Variants in WWOX observed in about 807,000 individuals in gnomAD.
The protein encoded by WWOX is WW domain-containing oxidoreductase.
Under a neutral mutation model 46.2 loss-of-function variants are expected in WWOX, and 69 were observed. The ratio of observed to expected loss-of-function variants is 1.49; its 90% CI spans 1.23 to 1.82. The LOEUF (loss-of-function observed/expected upper bound fraction) is 1.82. Among genes scored for constraint, WWOX ranks in the 40% most tolerant of loss-of-function variants. WWOX has a pLI of 0.00. For missense variants in WWOX, 919 were observed against 542.6 expected (o/e 1.69, Z -6.89); for synonymous variants, 359 against 202.6 (o/e 1.77, Z -6.56).
chr16:78,876,273 A>C (rs948425764), intron 8 of WWOX, among the ~76,000 whole-genome samples: 2 of 151,102 alleles, frequency 1.3e-5, no homozygotes, highest in African/African-American at 4.9e-5. Context: ...TTATTTTAAT[A>C]TTGTACCCAT....
chr16:78,863,603 C>T (rs948114340), intron 8 of WWOX, among the ~76,000 whole-genome samples: 13 of 152,158 alleles, frequency 8.5e-5, no homozygotes, highest in Non-Finnish European at 1.3e-4. Flanking sequence ...ATCTCCCAAC[C>T]ATAAGCTGTA....
chr16:79,208,103 C>T (rs937736362), intron 8 of WWOX, among the ~76,000 whole-genome samples: 27 of 152,142 alleles, frequency 1.8e-4, no homozygotes, highest in Admixed American at 1.8e-3. Flanking sequence ...TCCTTATTAC[C>T]AAGATACTCT....
chr16:79,015,983 T>C (rs1302557908), intron 8 of WWOX, among the ~76,000 whole-genome samples: 2 of 152,182 alleles, frequency 1.3e-5, no homozygotes, highest in African/African-American at 4.8e-5. Flanking sequence ...TTTCTTGACC[T>C]CGTGATCTGC....
intron 8 of WWOX, among the ~76,000 whole-genome samples, chr16:79,010,043 G>A (rs924946884): frequency 2.6e-5 from 4 of 152,176 alleles, no homozygotes; most frequent in African/African-American, 9.7e-5. Flanking sequence ...GCCTAGAATT[G>A]AGCAAGCTGC....
chr16:78,837,585 G>C (rs2052024298), intron 8 of WWOX, among the ~76,000 whole-genome samples: 1 of 152,116 alleles, frequency 6.6e-6, no homozygotes, highest in Admixed American at 6.5e-5. Context: ...CAAGATTGAA[G>C]ATTTAATACA....
intron 8 of WWOX, among the ~76,000 whole-genome samples, chr16:79,054,784 C>A (rs2048232026): frequency 1.3e-5 from 2 of 152,130 alleles, no homozygotes; most frequent in Admixed American, 1.3e-4. Flanking sequence ...TGTGATCACA[C>A]CACCGCACTC....
intron 8 of WWOX, among the ~76,000 whole-genome samples, chr16:78,868,332 C>G (rs1005138247): frequency 1.3e-5 from 2 of 151,814 alleles, no homozygotes; most frequent in Non-Finnish European, 2.9e-5. Flanking sequence ...AAAGATGAAA[C>G]TCTATAGACA....
At position 78,341,198 on chromosome 16, in the gene WWOX, C is replaced by G. The variant is rs149805814; in HGVS notation, c.517-45662C>G. Among the ~76,000 whole-genome samples the G allele has an allele frequency of 8.8e-5, 10 of 113,044 alleles. No individual in the cohort carries two copies. The East Asian group carries it at 1.6e-3, about 18-fold the overall frequency. 74.2% of individuals were successfully genotyped at this position (113,044 alleles called of 152,430 possible). A position where few individuals can be genotyped will look rare whatever the true frequency, so the allele number is the denominator to read the frequency against. Reference sequence around the variant, plus strand: ...TTTTTTTTTAAGAGAAATGAAGTCTCATTTTGTTTCCCAGGCTGGTCTCAC... The same window carrying G: ...TTTTTTTTTAAGAGAAATGAAGTCTGATTTTGTTTCCCAGGCTGGTCTCAC... On this transcript the variant is annotated intron_variant, in intron 5 of 8. Coordinates refer to ENST00000566780, the MANE Select transcript of WWOX (RefSeq NM_016373.4).
rs151168603 is a variant in WWOX, at chr16:78,888,426, A to C, written c.1057-323182A>C. On this transcript the variant is annotated intron_variant, in intron 8 of 8. Transcript: ENST00000566780. Reference sequence around the variant, plus strand: ...CAGGTGTTACTCCTATTCTTTTTGTAGTTGTCTAGGGATTTAGTTTCTCAC... The same window carrying C: ...CAGGTGTTACTCCTATTCTTTTTGTCGTTGTCTAGGGATTTAGTTTCTCAC... Among the ~76,000 whole-genome samples, 284 of 152,186 alleles carry C rather than the reference A, an allele frequency of 1.9e-3. 1 individual carries two copies. The highest frequency in any genetic ancestry group is 6.5e-3 in the African/African-American group (268 of 41,524).
intron 8 of WWOX, among the ~76,000 whole-genome samples, chr16:79,015,412 A>T (rs988446571): frequency 6.6e-6 from 1 of 152,168 alleles, no homozygotes; most frequent in African/African-American, 2.4e-5. Context: ...AAATAGTAAC[A>T]ATATTTTCCT....
At chr16:78,987,131 A>T (rs983316616) in intron 8 of WWOX, among the ~76,000 whole-genome samples, 1 of 152,202 alleles carries the variant, frequency 6.6e-6, no homozygotes, top group Non-Finnish European at 1.5e-5. Context: ...TAGGACTCCA[A>T]TATTTCTCAT....
intron 8 of WWOX, among the ~76,000 whole-genome samples, chr16:78,853,711 G>A (rs1171520048): frequency 6.6e-6 from 1 of 151,988 alleles, no homozygotes; most frequent in Non-Finnish European, 1.5e-5. Context: ...GCGTGGTGGG[G>A]GTGTAGTGGG....
At chr16:78,312,493 G>A (rs1161112134) in intron 5 of WWOX, among the ~76,000 whole-genome samples, 1 of 151,218 alleles carries the variant, frequency 6.6e-6, no homozygotes, top group African/African-American at 2.4e-5. Flanking sequence ...TTCTGCCTCA[G>A]CCTCCTGAGT....
chr16:78,406,375 A>G (rs1597179943), intron 6 of WWOX, among the ~76,000 whole-genome samples: 1 of 125,286 alleles, frequency 8.0e-6, no homozygotes, highest in Non-Finnish European at 1.7e-5. Context: ...TTTTTTTGAG[A>G]CGGAGTCTTG....
At chr16:79,091,778 T>TTC in intron 8 of WWOX, among the ~76,000 whole-genome samples, 2 of 134,418 alleles carry the variant, frequency 1.5e-5, no homozygotes, top group Non-Finnish European at 3.1e-5. Flanking sequence ...TTCTTTTCTT[T>TTC]GTTTTTTTTT....
chr16:78,582,419 T>C (rs2045082265), intron 8 of WWOX, among the ~76,000 whole-genome samples: 1 of 152,218 alleles, frequency 6.6e-6, no homozygotes, highest in South Asian at 2.1e-4. Context: ...TTCTTAAATG[T>C]AGAGATTTAG....
intron 8 of WWOX, among the ~76,000 whole-genome samples, chr16:78,981,050 G>A (rs1228817477): frequency 6.6e-6 from 1 of 152,206 alleles, no homozygotes; most frequent in Non-Finnish European, 1.5e-5. Context: ...TGTATGTCAT[G>A]CAGTCATACT....
chr16:78,386,544 G>A (rs540709517), intron 5 of WWOX, among the ~76,000 whole-genome samples: 3 of 152,188 alleles, frequency 2.0e-5, no homozygotes, highest in South Asian at 4.2e-4. Flanking sequence ...AGCGTTTTAG[G>A]ATGCAGATTG....
At chr16:78,570,992 C>A (rs868347261) in intron 8 of WWOX, among the ~76,000 whole-genome samples, 11 of 152,108 alleles carry the variant, frequency 7.2e-5, no homozygotes, top group Admixed American at 2.0e-4. Context: ...TTATTCATTG[C>A]TGAAGAGACT....
Sources: gnomAD v4.1 joint callset for allele counts (sites outside exome capture counted in the v4.1 genomes callset) on GRCh38, gnomAD v4.1.1 for gene constraint, MANE v1.5 for transcripts, NCBI Gene and HGNC (gene_info 2026-07-23, HGNC 2026-07-21) for gene names.